Variants in TNIK observed in about 807,000 individuals in gnomAD.
TNIK encodes TRAF2 and NCK-interacting protein kinase.
A neutral mutation model predicts 191.3 loss-of-function variants in TNIK; 49 were observed. The ratio of observed to expected loss-of-function variants is 0.26; its 90% CI spans 0.20 to 0.32. The LOEUF (loss-of-function observed/expected upper bound fraction) is 0.32. TNIK is among the 10% of genes least tolerant of loss of function. The probability of loss-of-function intolerance (pLI) is 1.00; values close to 1 mark genes in which losing one functional copy is unlikely to be tolerated. For synonymous variants in TNIK, 594 were observed against 600.9 expected, an observed-to-expected ratio of 0.99 and a Z score of 0.17; for missense variants, 1,155 against 1,702.3, an observed-to-expected ratio of 0.68 and a Z score of 5.66.
chr3:171,357,210 T>C (rs1246428713), intron 2 of TNIK, among the ~76,000 whole-genome samples: 1 of 152,190 alleles, frequency 6.6e-6, no homozygotes, highest in Non-Finnish European at 1.5e-5. Flanking sequence ...TCAGTCTCCT[T>C]AATTTATATA....
chr3:171,415,937 C>T (rs1247306951), intron 1 of TNIK, among the ~76,000 whole-genome samples: 1 of 122,876 alleles, frequency 8.1e-6, no homozygotes, highest in African/African-American at 3.2e-5. Context: ...GATCACACCA[C>T]TGCACTCCAG....
intron 2 of TNIK, among the ~76,000 whole-genome samples, chr3:171,245,141 A>G (rs143971187): frequency 6.6e-6 from 1 of 152,316 alleles, no homozygotes; most frequent in Non-Finnish European, 1.5e-5. Context: ...TTCTATCTCC[A>G]TTGTGTATAA....
chr3:171,430,848 T>TTG lies in TNIK; in HGVS notation c.57+29157_57+29158dup, dbSNP rs527299954. ...TTACATTTCAACTTTGGAAATATAGTTGAGTTTTCAGATTACACCTTCATG... is the reference window on the plus strand; with the variant it reads ...TTACATTTCAACTTTGGAAATATAGTTGTGAGTTTTCAGATTACACCTTCATG... On this transcript the variant is annotated intron_variant, in intron 1 of 32. Transcript: ENST00000436636. Among the ~76,000 whole-genome samples the TTG allele has an allele frequency of 2.4e-3, 360 of 152,198 alleles. 3 individuals are homozygous for TTG. Among genetic ancestry groups the TTG allele is most frequent in the African/African-American group, 8.0e-3 (333 of 41,552 alleles).
At chr3:171,098,112 A>AG (rs11422597) in intron 22 of TNIK, among the ~76,000 whole-genome samples, 74,228 of 151,804 alleles carry the variant, frequency 0.49, 19,178 homozygotes, top group East Asian at 0.69. Context: ...TTCCTTCCAA[A>AG]GGTATAGCAT....
intron 2 of TNIK, among the ~76,000 whole-genome samples, chr3:171,243,625 G>T (rs1560312005): frequency 6.6e-6 from 1 of 152,054 alleles, no homozygotes; most frequent in African/African-American, 2.4e-5. Context: ...TCATTTCTGA[G>T]GGACCTGAGT....
intron 2 of TNIK, among the ~76,000 whole-genome samples, chr3:171,264,107 C>CATAT (rs1748072550): frequency 1.7e-5 from 1 of 58,274 alleles, no homozygotes; most frequent in African/African-American, 1.0e-4. Flanking sequence ...CACACACACA[C>CATAT]ACACATATAT....
At chr3:171,239,509 C>A (rs1560306196) in intron 2 of TNIK, among the ~76,000 whole-genome samples, 1 of 152,150 alleles carries the variant, frequency 6.6e-6, no homozygotes, top group East Asian at 1.9e-4. Context: ...GAATAACATC[C>A]AAATATAGAC....
chr3:171,293,077 C>T (rs1388116923), intron 2 of TNIK, among the ~76,000 whole-genome samples: 1 of 152,156 alleles, frequency 6.6e-6, no homozygotes, highest in African/African-American at 2.4e-5. Context: ...TTTCAAAAAC[C>T]TTCAAGTAGT....
chr3:171,134,068 A>C (rs558235934), intron 15 of TNIK, among the ~76,000 whole-genome samples: 1 of 152,306 alleles, frequency 6.6e-6, no homozygotes, highest in South Asian at 2.1e-4. Context: ...GGGAGCCCAC[A>C]CAGTTATTGC....
intron 22 of TNIK, among the ~76,000 whole-genome samples, chr3:171,096,153 G>C (rs1277834939): frequency 6.6e-6 from 1 of 152,094 alleles, no homozygotes; most frequent in Non-Finnish European, 1.5e-5. Flanking sequence ...GGGGTTCTTT[G>C]CTATTGTCAG....
At chr3:171,318,814 T>A (rs1754897649) in intron 2 of TNIK, among the ~76,000 whole-genome samples, 1 of 152,088 alleles carries the variant, frequency 6.6e-6, no homozygotes, top group Non-Finnish European at 1.5e-5. Flanking sequence ...AGATTAACAA[T>A]GTATCAACAC....
chr3:171,311,891 G>A (rs980145034), intron 2 of TNIK, among the ~76,000 whole-genome samples: 8 of 151,828 alleles, frequency 5.3e-5, no homozygotes, highest in East Asian at 1.9e-4. Context: ...TTTTATAGCC[G>A]CATTGGCAAG....
At chr3:171,202,556 A>C (rs773395915) in intron 4 of TNIK, among the ~76,000 whole-genome samples, 2 of 152,242 alleles carry the variant, frequency 1.3e-5, no homozygotes, top group Admixed American at 1.3e-4. Flanking sequence ...CTTTGGGTAC[A>C]TATCAAGTCT....
intron 1 of TNIK, among the ~76,000 whole-genome samples, chr3:171,449,728 AT>A (rs1477778352): frequency 6.6e-6 from 1 of 151,958 alleles, no homozygotes; most frequent in Non-Finnish European, 1.5e-5. Context: ...TGCAGAAACC[AT>A]TGCAATGACC....
chr3:171,098,659 G>A (rs1347066912), intron 22 of TNIK, among the ~76,000 whole-genome samples: 2 of 152,114 alleles, frequency 1.3e-5, no homozygotes, highest in Admixed American at 1.3e-4. Flanking sequence ...GGTGGGCACT[G>A]AGCTACAATA....
chr3:171,173,313 G>A (rs370821048), intron 9 of TNIK, among the ~76,000 whole-genome samples: 70 of 151,386 alleles, frequency 4.6e-4, no homozygotes, highest in African/African-American at 1.7e-3. Flanking sequence ...GGAGAATGGC[G>A]TGAACCCGGG....
intron 1 of TNIK, among the ~76,000 whole-genome samples, chr3:171,413,843 T>C (rs1722716129): frequency 6.6e-6 from 1 of 152,190 alleles, no homozygotes; most frequent in African/African-American, 2.4e-5. Flanking sequence ...TGGAGGAAGC[T>C]ACTTAACTTC....
intron 12 of TNIK, among the ~76,000 whole-genome samples, chr3:171,146,943 T>C (rs1167903054): frequency 6.6e-6 from 1 of 151,784 alleles, no homozygotes; most frequent in Non-Finnish European, 1.5e-5. Context: ...TGTTTGACCT[T>C]GAGTAAGTCA....
chr3:171,214,017 T>C (rs1465302271), intron 3 of TNIK, among the ~76,000 whole-genome samples: 2 of 152,136 alleles, frequency 1.3e-5, no homozygotes, highest in African/African-American at 2.4e-5. Context: ...GAATTTTAGG[T>C]TTAAATTGCA....
Sources: allele counts gnomAD v4.1 joint callset (sites outside exome capture counted in the v4.1 genomes callset), GRCh38; gene constraint gnomAD v4.1.1; transcripts MANE v1.5; gene names NCBI Gene and HGNC (gene_info 2026-07-23, HGNC 2026-07-21).